The following PUS7 variants were observed in gnomAD, a reference collection of about 807,000 sequenced individuals.
The protein encoded by PUS7 is pseudouridine synthase 7.
In PUS7, 48 loss-of-function variants were observed where a neutral mutation model predicts 79.8. The ratio of observed to expected loss-of-function variants is 0.60; its 90% confidence interval spans 0.48 to 0.76. The LOEUF (loss-of-function observed/expected upper bound fraction) is 0.76, where lower values mean the gene tolerates loss of function less well. PUS7 is among the 30% of genes least tolerant of loss of function. PUS7 has a pLI of 0.00. For missense variants in PUS7, 729 were observed against 797.6 expected, an observed-to-expected ratio of 0.91 and a Z score of 1.04; for synonymous variants, 286 against 272.2, an observed-to-expected ratio of 1.05 and a Z score of -0.50.
At chr7:105,489,147 C>CAAAAAAAAAAA (rs762504334) in intron 7 of PUS7, among the ~76,000 whole-genome samples, 1 of 33,698 alleles carries the variant, frequency 3.0e-5, no homozygotes, top group African/African-American at 9.3e-5. Context: ...AACTCCATCT[C>CAAAAAAAAAAA]AAAAAAAAAA....
intron 11 of PUS7, chr7:105,470,447 G>T: frequency 2.7e-6 from 1 of 365,020 alleles, no homozygotes; most frequent in East Asian, 4.2e-5. Context: ...AATTTCCACT[G>T]AAGATTATGT....
At chr7:105,493,790 C>T (rs1562806896) in intron 6 of PUS7, among the ~76,000 whole-genome samples, 1 of 152,056 alleles carries the variant, frequency 6.6e-6, no homozygotes, top group South Asian at 2.1e-4. Context: ...AGGAGAGAGG[C>T]TTCCGGAAAA....
Position 105,506,248 on chromosome 7 carries a change from T to C in PUS7, c.424A>G (p.Ile142Val). 3.7e-6 allele frequency: 6 copies of C among 1,613,032 alleles called. No homozygotes were observed. Among genetic ancestry groups the C allele is most frequent in the Non-Finnish European group, 5.1e-6 (6 of 1,179,534 alleles). Residue 142 changes from isoleucine (I) to valine (V), a missense_variant, in exon 3 of 16, where the codon ATA (isoleucine) becomes GTA (valine). Physicochemically the swap from Ile to Val is conservative, Grantham distance 29. Transcript: ENST00000469408. Reference sequence around the variant, plus strand: ...TGGCTGATCCGTCCATCTTTTCCTATTTCATGAACAACGAAGTCGGAGTAT... The same window carrying C: ...TGGCTGATCCGTCCATCTTTTCCTACTTCATGAACAACGAAGTCGGAGTAT... ...ERYSDFVVHE[I>V]GKDGRISHLN...
intron 11 of PUS7, among the ~76,000 whole-genome samples, chr7:105,468,664 T>G (rs1403384494): frequency 1.3e-5 from 2 of 149,060 alleles, no homozygotes; most frequent in Non-Finnish European, 3.0e-5. Context: ...ATTACAGGGG[T>G]ACACCACCAC....
chr7:105,460,372 G>C (rs895241678), intron 14 of PUS7, among the ~76,000 whole-genome samples: 11 of 152,208 alleles, frequency 7.2e-5, no homozygotes, highest in African/African-American at 2.7e-4. Flanking sequence ...AGAAGGAACA[G>C]TTCTCTGGAG....
rs1436395673 is a variant in PUS7, at chr7:105,472,193, T to G, written c.1176A>C (p.Arg392Ser). ...CTGTCCAGGAATTTTGTAGTATAGC[T>G]CTAAAATTAAACAACATTTATTTTA... ...TTAVPTYQVGRAILQNSWTEV... is the reference protein window; with the variant it reads ...TTAVPTYQVGSAILQNSWTEV... Residue 392 changes from arginine to serine, a missense_variant and splice_region_variant, in exon 10 of 16, where the codon AGA becomes AGC. By Grantham distance (110) the Arg-to-Ser change is moderately radical. Coordinates refer to ENST00000469408, the MANE Select transcript of PUS7 (RefSeq NM_019042.5). 2 of 1,567,764 alleles carry G rather than the reference T, an allele frequency of 1.3e-6. No individual in the cohort carries two copies. The highest frequency in any genetic ancestry group is 2.2e-5 in the South Asian group (2 of 89,126).
chr7:105,508,785 T>C (rs766285758), intron 1 of PUS7, among the ~76,000 whole-genome samples: 7 of 145,552 alleles, frequency 4.8e-5, no homozygotes, highest in Admixed American at 2.2e-4. Flanking sequence ...GGCAGGGGCA[T>C]TGCTTGAACC....
intron 9 of PUS7, among the ~76,000 whole-genome samples, chr7:105,474,508 C>A (rs1339087689): frequency 6.6e-6 from 1 of 151,940 alleles, no homozygotes. Context: ...GTGGCTCACA[C>A]CTGTAATCTC....
chr7:105,507,779 T>A (rs1825531093), intron 2 of PUS7, among the ~76,000 whole-genome samples: 1 of 152,098 alleles, frequency 6.6e-6, no homozygotes, highest in South Asian at 2.1e-4. Context: ...TGACCTCAAG[T>A]GATCCGCCAG....
At chr7:105,460,173 C>T (rs1389849514) in intron 14 of PUS7, among the ~76,000 whole-genome samples, 5 of 152,000 alleles carry the variant, frequency 3.3e-5, no homozygotes, top group African/African-American at 7.2e-5. Context: ...CTCCTGAGCT[C>T]GTGATCTGCC....
intron 7 of PUS7, among the ~76,000 whole-genome samples, chr7:105,486,585 A>C (rs1824558700): frequency 6.6e-6 from 1 of 152,176 alleles, no homozygotes; most frequent in Non-Finnish European, 1.5e-5. Flanking sequence ...GAACAGAGTG[A>C]GGAACGGGGG....
chr7:105,490,111 T>TAAA (rs148584351), intron 7 of PUS7, among the ~76,000 whole-genome samples: 1 of 94,712 alleles, frequency 1.1e-5, no homozygotes, highest in African/African-American at 4.0e-5. Flanking sequence ...ACAGCAAGAC[T>TAAA]AAAAAAAAAA....
intron 5 of PUS7, among the ~76,000 whole-genome samples, chr7:105,500,758 C>A (rs1825214610): frequency 1.3e-5 from 2 of 152,212 alleles, no homozygotes; most frequent in African/African-American, 4.8e-5. Context: ...TACACACTAT[C>A]CTTGGGAGAA....
At chr7:105,505,823 T>C in intron 4 of PUS7, 132 bp downstream of exon 4, 1 of 707,506 alleles carries the variant, frequency 1.4e-6, no homozygotes, top group Non-Finnish European at 2.4e-6. Context: ...TTTAGTGTAA[T>C]ATCCTTTAGA....
At chr7:105,512,031 G>A (rs917772535) in intron 1 of PUS7, among the ~76,000 whole-genome samples, 10 of 151,154 alleles carry the variant, frequency 6.6e-5, no homozygotes, top group Admixed American at 5.3e-4. Context: ...TGTAATCCCA[G>A]CTACTCAGAA....
chr7:105,509,936 TCTC>T (rs1333084350), intron 1 of PUS7, among the ~76,000 whole-genome samples: 1 of 152,168 alleles, frequency 6.6e-6, no homozygotes, highest in Admixed American at 6.6e-5. Context: ...AATTTGCTGT[TCTC>T]ACTCAATAAC....
At chr7:105,492,753 C>T (rs999226144) in intron 6 of PUS7, among the ~76,000 whole-genome samples, 3 of 151,714 alleles carry the variant, frequency 2.0e-5, no homozygotes, top group African/African-American at 4.8e-5. Flanking sequence ...GTGATCCGCC[C>T]GCCTCGGCCT....
chr7:105,471,587 G>A (rs1823874604), intron 10 of PUS7, among the ~76,000 whole-genome samples: 2 of 152,152 alleles, frequency 1.3e-5, no homozygotes, highest in Non-Finnish European at 2.9e-5. Context: ...TGAGGTGGGC[G>A]GATCACCTGA....
intron 1 of PUS7, among the ~76,000 whole-genome samples, chr7:105,511,917 G>A (rs1261128148): frequency 2.6e-5 from 4 of 151,910 alleles, no homozygotes; most frequent in African/African-American, 7.3e-5. Flanking sequence ...AGGCTGAGGC[G>A]GGTGGATCAC....
Sources: allele counts gnomAD v4.1 joint callset (sites outside exome capture counted in the v4.1 genomes callset), GRCh38; gene constraint gnomAD v4.1.1; transcripts MANE v1.5; gene names NCBI Gene and HGNC (gene_info 2026-07-23, HGNC 2026-07-21).